The following MGST2 variants were observed in gnomAD, a reference collection of about 807,000 sequenced individuals.
MGST2 encodes microsomal glutathione S-transferase 2, also known as glutathione peroxidase MGST2.
A neutral mutation model predicts 16.6 loss-of-function variants in MGST2; 9 were observed. The ratio of observed to expected loss-of-function variants is 0.54; its 90% confidence interval spans 0.33 to 0.95. The LOEUF is 0.95. Among genes scored for constraint, MGST2 ranks in the 40% least tolerant of loss-of-function variants. The pLI, the probability that MGST2 is intolerant of heterozygous loss-of-function variation, is 0.03. For synonymous variants in MGST2, 79 were observed against 68.0 expected (o/e 1.16, Z -0.79); for missense variants, 159 against 175.1 (o/e 0.91, Z 0.52).
chr4:139,695,266 A>T lies in MGST2; in HGVS notation c.228A>T (p.Gln76His). Reference sequence around the variant, plus strand: ...GGATGGCTGGGTGGTATTTCAACCAAGGTAATGTTAAAATACAGTCAACTG... The same window carrying T: ...GGATGGCTGGGTGGTATTTCAACCATGGTAATGTTAAAATACAGTCAACTG... ...TLWMAGWYFN[Q>H]VFATCLGLVY... Residue 76 changes from glutamine to histidine, a missense_variant and splice_region_variant, in exon 3 of 5, where the codon CAA becomes CAT. Gln to His is a conservative substitution (Grantham distance 24). Coordinates refer to ENST00000265498, the MANE Select transcript of MGST2 (RefSeq NM_002413.5). The T allele has an allele frequency of 6.2e-7, 1 of 1,605,036 alleles. No individual in the cohort carries two copies. The highest frequency in any genetic ancestry group is 1.3e-5 in the African/African-American group (1 of 74,854).
At chr4:139,748,758 T>C in the MGST2 span, among the ~76,000 whole-genome samples, 1 of 99,424 alleles carries the variant, frequency 1.0e-5, no homozygotes, top group Non-Finnish European at 2.0e-5. Flanking sequence ...AGTTGAGCAA[T>C]TTCAAGCTCC....
At chr4:139,677,525 G>T (rs1731024919) in intron 1 of MGST2, among the ~76,000 whole-genome samples, 1 of 149,390 alleles carries the variant, frequency 6.7e-6, no homozygotes, top group African/African-American at 2.5e-5. Context: ...TTTTGAGACA[G>T]AGTTTCACTC....
intron 5 of MGST2, chr4:139,718,670 G>C (rs1271577546): frequency 6.6e-6 from 1 of 152,390 alleles, no homozygotes; most frequent in African/African-American, 2.4e-5. Context: ...CAGAGCCTTT[G>C]CAATTCCTGA....
At chr4:139,748,965 G>A in the MGST2 span, among the ~76,000 whole-genome samples, 4 of 152,082 alleles carry the variant, frequency 2.6e-5, no homozygotes, top group Non-Finnish European at 5.9e-5. Context: ...ATAGAGTGTG[G>A]GCACGATTGT....
Position 139,666,066 on chromosome 4 carries a change from C to G in MGST2, c.47C>G (p.Ala16Gly), listed in dbSNP as rs1169665122. The change falls in exon 1 of 5, where the codon GCC (alanine) becomes GGC (glycine). Residue 16 changes from alanine (A) to glycine (G), a missense_variant. Physicochemically the swap from Ala to Gly is moderately conservative, Grantham distance 60. Transcript: ENST00000265498. ...ILLAAVSILS[A>G]CQQSYFALQV... is the part of the protein sequence containing the mutation. ...CTGGCTGCTGTCTCTATTCTCTCGG[C>G]CTGTCAGCAAAGTAAGAGGCATGGG... 6.2e-7 allele frequency: 1 copy of G among 1,613,632 alleles called. No individual in the cohort carries two copies. The highest frequency in any genetic ancestry group is 1.3e-5 in the African/African-American group (1 of 74,746).
At chr4:139,730,093 C>T (rs1254894521) in intron 5 of MGST2, among the ~76,000 whole-genome samples, 1 of 152,144 alleles carries the variant, frequency 6.6e-6, no homozygotes, top group Non-Finnish European at 1.5e-5. Flanking sequence ...GAGACAGTCC[C>T]CGCCATGTGC....
chr4:139,672,093 G>A (rs1730721701), intron 1 of MGST2, among the ~76,000 whole-genome samples: 1 of 152,150 alleles, frequency 6.6e-6, no homozygotes, highest in African/African-American at 2.4e-5. Context: ...GGATATCTCA[G>A]TACCTCTTCC....
chr4:139,704,879 G>A (rs191504627), downstream of MGST2, among the ~76,000 whole-genome samples: 30 of 152,142 alleles, frequency 2.0e-4, no homozygotes, highest in African/African-American at 6.0e-4. Flanking sequence ...CCAAGATCGC[G>A]CCACTGCACT....
intron 5 of MGST2, among the ~76,000 whole-genome samples, chr4:139,723,334 C>T (rs1728331568): frequency 6.6e-6 from 1 of 152,072 alleles, no homozygotes; most frequent in Admixed American, 6.6e-5. Flanking sequence ...TTCTGGGACA[C>T]AGTTTTGCTC....
intron 3 of MGST2, among the ~76,000 whole-genome samples, chr4:139,696,369 G>A (rs1241361312): frequency 6.6e-6 from 1 of 152,198 alleles, no homozygotes; most frequent in Non-Finnish European, 1.5e-5. Context: ...TTCAGTGCTT[G>A]TATCATAGAA....
chr4:139,691,320 C>G (rs1423534799), intron 2 of MGST2, among the ~76,000 whole-genome samples: 1 of 152,176 alleles, frequency 6.6e-6, no homozygotes, highest in Non-Finnish European at 1.5e-5. Context: ...AATATATCTG[C>G]CTTCATGACT....
Position 139,691,699 on chromosome 4 carries a change from T to TGA in MGST2, c.159-3498_159-3497insGA, listed in dbSNP as rs70943435. Among the ~76,000 whole-genome samples the TGA allele has an allele frequency of 3.2e-3, 416 of 128,708 alleles. 2 individuals carry two copies. The highest frequency in any genetic ancestry group is 8.0e-3 in the Middle Eastern group (2 of 250). The allele number at this position is 128,708 out of a possible 152,430, so 84.4% of individuals were successfully genotyped here. A position where few individuals can be genotyped will look rare whatever the true frequency, so the allele number is the denominator to read the frequency against. On this transcript the variant is annotated intron_variant, in intron 2 of 4. Coordinates refer to ENST00000265498, the MANE Select transcript of MGST2 (RefSeq NM_002413.5). ...ATGATGATGATGATGATGATGATGA[T>TGA]TATTATTATTATTATTTGAGACGGA... is the stretch of plus-strand genomic sequence containing the variant.
intron 2 of MGST2, among the ~76,000 whole-genome samples, chr4:139,680,842 C>A (rs750547490): frequency 1.3e-5 from 2 of 152,068 alleles, no homozygotes; most frequent in Non-Finnish European, 2.9e-5. Flanking sequence ...TTGAGATGTT[C>A]TGTGCTATTC....
chr4:139,696,431 T>G (rs1726928726), intron 3 of MGST2, among the ~76,000 whole-genome samples: 1 of 152,244 alleles, frequency 6.6e-6, no homozygotes, highest in African/African-American at 2.4e-5. Context: ...ATCAGAACCC[T>G]TCTGCCAGAT....
intron 5 of MGST2, chr4:139,730,816 AC>A: frequency 1.4e-6 from 1 of 690,578 alleles, no homozygotes; most frequent in South Asian, 1.9e-5. Flanking sequence ...ATTTCCATAA[AC>A]GTAGCTTCAA....
chr4:139,734,438 T>C (rs942044028), intron 5 of MGST2, among the ~76,000 whole-genome samples: 4 of 152,248 alleles, frequency 2.6e-5, no homozygotes, highest in East Asian at 1.9e-4. Flanking sequence ...AGAATCTTAA[T>C]ACAGTTTCTT....
intron 3 of MGST2, among the ~76,000 whole-genome samples, chr4:139,700,355 TCTC>T (rs1372274465): frequency 4.6e-5 from 7 of 152,150 alleles, no homozygotes; most frequent in African/African-American, 1.7e-4. Flanking sequence ...ATGGTCTCGA[TCTC>T]CTGATCTCGT....
chr4:139,716,776 T>C (rs1321940287), intron 5 of MGST2: 1 of 152,404 alleles, frequency 6.6e-6, no homozygotes, highest in Non-Finnish European at 1.5e-5. Context: ...TCTTTTATTT[T>C]TGTTTTTGTT....
intron 5 of MGST2, among the ~76,000 whole-genome samples, chr4:139,713,872 G>A (rs1422638728): frequency 2.6e-5 from 4 of 152,176 alleles, no homozygotes; most frequent in African/African-American, 7.2e-5. Context: ...GAAAGTGCAC[G>A]ATCTTAGCTA....
Sources: allele counts gnomAD v4.1 joint callset (sites outside exome capture counted in the v4.1 genomes callset), GRCh38; gene constraint gnomAD v4.1.1; transcripts MANE v1.5; gene names NCBI Gene and HGNC (gene_info 2026-07-23, HGNC 2026-07-21).